RCC1: variants seen among roughly 807,000 people sequenced by gnomAD.
The protein encoded by RCC1 is regulator of chromosome condensation.
In RCC1, 11 loss-of-function variants were observed where a neutral mutation model predicts 44.4. That is an observed-to-expected ratio of 0.25 (90% CI 0.16 to 0.41). The LOEUF (loss-of-function observed/expected upper bound fraction) is 0.41. Ranked by LOEUF, RCC1 falls within the 10% of genes least tolerant of loss-of-function variation. The probability of loss-of-function intolerance (pLI) is 1.00; values close to 1 mark genes in which losing one functional copy is unlikely to be tolerated. For missense variants in RCC1, 386 were observed against 547.1 expected, an observed-to-expected ratio of 0.71 and a Z score of 2.94; for synonymous variants, 213 against 216.5, an observed-to-expected ratio of 0.98 and a Z score of 0.14.
intron 4 of RCC1, among the ~76,000 whole-genome samples, chr1:28,521,898 G>A (rs1245587251): frequency 6.6e-6 from 1 of 152,196 alleles, no homozygotes; most frequent in African/African-American, 2.4e-5. Flanking sequence ...GATAGGCCTG[G>A]GTTGCTTTTC....
rs1557881454 is a variant in RCC1 at position 28,536,403 on chromosome 1, C to T, written c.937+22C>T. ...GAAGGTAGGGCCTTTACGTCCTTCT[C>T]TAGTTTGGGGGTGGAGTGTTCCCTG... is the stretch of plus-strand genomic sequence containing the variant. On this transcript the variant is annotated intron_variant, in intron 11 of 12. Coordinates refer to ENST00000683442, the MANE Select transcript of RCC1 (RefSeq NM_001381865.2). This position sits in a 1 kb window ranked among gnomAD's most constrained non-coding sequence, Gnocchi z 4.9. 1.2e-6 allele frequency: 2 copies of T among 1,609,666 alleles called. No homozygotes were observed. Among genetic ancestry groups the T allele is most frequent in the Non-Finnish European group, 1.7e-6 (2 of 1,178,548 alleles).
chr1:28,537,642 T>A (rs917453576), intron 12 of RCC1, among the ~76,000 whole-genome samples, 190 bp from the exon 13 acceptor site: 1 of 152,104 alleles, frequency 6.6e-6, no homozygotes, highest in Admixed American at 6.6e-5. Flanking sequence ...TGCTCTCTGG[T>A]TTACAGAGTT....
At position 28,532,363 on chromosome 1, in the gene RCC1, C is replaced by T; in HGVS notation, c.441+13C>T. On this transcript the variant is annotated intron_variant, in intron 7 of 12. Transcript: ENST00000683442. Reference sequence around the variant, plus strand: ...GGGCTCCTTCCGGGTAAGGCTGGGTCTGAAAGTCTGCATGGTCCCTGAAAG... The same window carrying T: ...GGGCTCCTTCCGGGTAAGGCTGGGTTTGAAAGTCTGCATGGTCCCTGAAAG... The T allele has an allele frequency of 6.2e-7, 1 of 1,613,268 alleles. No individual in the cohort carries two copies. The highest frequency in any genetic ancestry group is 8.5e-7 in the Non-Finnish European group (1 of 1,179,594).
At chr1:28,513,257 C>T (rs559998684) in intron 3 of RCC1, among the ~76,000 whole-genome samples, 22 of 152,166 alleles carry the variant, frequency 1.4e-4, no homozygotes, top group Admixed American at 9.2e-4. Flanking sequence ...TGCAGTGATG[C>T]GATCTCAGCT....
intron 1 of RCC1, chr1:28,507,382 C>A (rs367845769): frequency 1.7e-4 from 90 of 519,064 alleles, no homozygotes; most frequent in African/African-American, 1.6e-3. Context: ...TGGATACACC[C>A]GGGAGGTCAC....
chr1:28,531,294 T>C (rs1319086485), intron 5 of RCC1, among the ~76,000 whole-genome samples: 1 of 137,264 alleles, frequency 7.3e-6, no homozygotes. Context: ...AGATCAAGTA[T>C]CACTCTGTCG....
intron 4 of RCC1, among the ~76,000 whole-genome samples, chr1:28,525,033 A>G (rs563754746): frequency 6.6e-6 from 1 of 152,110 alleles, no homozygotes; most frequent in East Asian, 1.9e-4. Flanking sequence ...CCAAAAACTG[A>G]GCTCCCCGAG....
chr1:28,511,562 G>C (rs977579372), intron 3 of RCC1, among the ~76,000 whole-genome samples: 1 of 151,758 alleles, frequency 6.6e-6, no homozygotes, highest in African/African-American at 2.4e-5. Flanking sequence ...GTAGAGAAGG[G>C]GTTTCACCAT....
intron 3 of RCC1, chr1:28,510,384 T>C (rs1662434609): frequency 6.6e-6 from 1 of 152,220 alleles, no homozygotes; most frequent in South Asian, 2.1e-4. Context: ...ACACCCGTAA[T>C]CCCAGCACTT....
chr1:28,529,794 A>G (rs982912545), intron 4 of RCC1, 64 bp from the exon 5 acceptor site: 10 of 1,252,766 alleles, frequency 8.0e-6, no homozygotes, highest in Non-Finnish European at 1.1e-5. Flanking sequence ...TTTGATAAAT[A>G]TTGTCTGATT....
intron 2 of RCC1, 197 bp from the exon 3 acceptor site, chr1:28,508,633 C>G: frequency 1.9e-6 from 1 of 518,882 alleles, no homozygotes; most frequent in Non-Finnish European, 3.8e-6. Context: ...GGGCTCTGCC[C>G]CATGATGTAC....
chr1:28,522,468 G>A (rs908926817), intron 4 of RCC1, among the ~76,000 whole-genome samples: 3 of 152,044 alleles, frequency 2.0e-5, no homozygotes, highest in Non-Finnish European at 4.4e-5. Flanking sequence ...GACCACTAAG[G>A]AGTCCAAGCA....
rs1324130899 is a variant in RCC1 at position 28,534,402 on chromosome 1, C to T, written c.442-648C>T. Among the ~76,000 whole-genome samples the T allele has an allele frequency of 3.9e-5, 6 of 151,944 alleles. No homozygotes were observed. The South Asian group carries it at 8.3e-4, about 21-fold the overall frequency. On this transcript the variant is annotated intron_variant, in intron 7 of 12. Transcript: ENST00000683442. ...TTCACCGTGTTAGCCGGAATGGTCT[C>T]GATCTCCTGACCTCGTGATCGCCCG...
At chr1:28,518,168 G>C (rs1402000095) in intron 4 of RCC1, 1 of 151,940 alleles carries the variant, frequency 6.6e-6, no homozygotes, top group Admixed American at 6.6e-5. Context: ...GCAGATCCTG[G>C]GATGGCCGCC....
At chr1:28,537,707 C>A in intron 12 of RCC1, 125 bp from the exon 13 acceptor site, 1 of 930,040 alleles carries the variant, frequency 1.1e-6, no homozygotes, top group Non-Finnish European at 1.6e-6. Flanking sequence ...CTCCCAGAGT[C>A]TGGTACCTTG....
chr1:28,530,667 G>C, intron 5 of RCC1: 1 of 1,463,272 alleles, frequency 6.8e-7, no homozygotes, highest in Non-Finnish European at 9.3e-7. Context: ...GCTCCTCAGC[G>C]GTGGCCACAT....
intron 3 of RCC1, chr1:28,509,938 AGTT>A (rs1662379458): frequency 6.6e-6 from 1 of 152,144 alleles, no homozygotes; most frequent in African/African-American, 2.4e-5. Context: ...CTAGCTGATG[AGTT>A]GTATGAGCCT....
chr1:28,508,959 G>A (rs1363847562), intron 3 of RCC1, 54 bp downstream of exon 3: 1 of 472,992 alleles, frequency 2.1e-6, no homozygotes, highest in Admixed American at 2.4e-5. Context: ...TGGCAGACTT[G>A]GAGCAAAAGA....
chr1:28,522,806 C>A (rs1204997426), intron 4 of RCC1, among the ~76,000 whole-genome samples: 2 of 151,396 alleles, frequency 1.3e-5, no homozygotes, highest in African/African-American at 2.4e-5. Context: ...CAGAGTGAAA[C>A]CCTGTCTCAA....
Sources: allele counts gnomAD v4.1 joint callset (sites outside exome capture counted in the v4.1 genomes callset), GRCh38; gene constraint gnomAD v4.1.1; non-coding constraint Gnocchi (gnomAD v3.1); transcripts MANE v1.5; gene names NCBI Gene and HGNC (gene_info 2026-07-23, HGNC 2026-07-21).